Variants in RBFOX3 observed in about 807,000 individuals in gnomAD.
The protein encoded by RBFOX3 is RNA binding protein fox-1 homolog 3.
RBFOX3 carries 17 observed loss-of-function variants against 48.7 expected under a neutral mutation model. The observed-to-expected ratio is 0.35, with a 90% CI of 0.24 to 0.52. RBFOX3 has a LOEUF of 0.52. RBFOX3 is among the 20% of genes least tolerant of loss of function. RBFOX3 has a pLI of 0.94. For missense variants in RBFOX3, 382 were observed against 497.5 expected, an observed-to-expected ratio of 0.77 and a Z score of 2.21; for synonymous variants, 212 against 209.5, an observed-to-expected ratio of 1.01 and a Z score of -0.10.
In RBFOX3 at chr17:79,356,367, T is replaced by TGTTTTGTTTTTG. The variant is rs2085061815; in HGVS notation, c.-174-48544_-174-48543insCAAAAACAAAAC. On this transcript the variant is annotated intron_variant, in intron 2 of 14. Coordinates refer to ENST00000693108, the MANE Select transcript of RBFOX3 (RefSeq NM_001350451.2). ...AGGGAAGTTTTTTTTTTTTTTTTTT[T>TGTTTTGTTTTTG]TTTTTTTTTTTTTTTTTTTGAGGAG... Among the ~76,000 whole-genome samples, 24 of 77,052 alleles carry TGTTTTGTTTTTG rather than the reference T, an allele frequency of 3.1e-4. 1 individual carries two copies. The highest frequency in any genetic ancestry group is 1.1e-3 in the African/African-American group (23 of 21,228). The allele number at this position is 77,052 out of a possible 152,430, so 50.5% of individuals were successfully genotyped here.
At chr17:79,168,353 AGTATGG>A (rs1308201383) in intron 4 of RBFOX3, among the ~76,000 whole-genome samples, 1 of 152,262 alleles carries the variant, frequency 6.6e-6, no homozygotes, top group Admixed American at 6.5e-5. Flanking sequence ...CACCTGCCTG[AGTATGG>A]GTTTAAATTG....
chr17:79,625,750 C>G, the RBFOX3 span, among the ~76,000 whole-genome samples: 1 of 152,222 alleles, frequency 6.6e-6, no homozygotes. Context: ...CGAAATCGAG[C>G]CATTGCACTC....
intron 4 of RBFOX3, among the ~76,000 whole-genome samples, chr17:79,144,569 G>T (rs758085969): frequency 6.6e-6 from 1 of 152,196 alleles, no homozygotes; most frequent in Non-Finnish European, 1.5e-5. Flanking sequence ...GGGTGGAGGG[G>T]GCAGGGCTCA....
At chr17:79,292,995 C>G (rs559375642) in intron 3 of RBFOX3, among the ~76,000 whole-genome samples, 57 of 152,162 alleles carry the variant, frequency 3.7e-4, no homozygotes, top group African/African-American at 1.3e-3. Flanking sequence ...GAAAAGAGGC[C>G]CCTGAAGAGT....
intron 1 of RBFOX3, among the ~76,000 whole-genome samples, chr17:79,483,250 G>C (rs910253337): frequency 6.6e-6 from 1 of 151,852 alleles, no homozygotes; most frequent in African/African-American, 2.4e-5. Flanking sequence ...CAGCTTCACG[G>C]TCAACCCCCT....
chr17:79,180,485 C>A (rs776346273), intron 4 of RBFOX3, among the ~76,000 whole-genome samples: 1 of 152,210 alleles, frequency 6.6e-6, no homozygotes, highest in Non-Finnish European at 1.5e-5. Context: ...CCAACACTCA[C>A]GCAGAGGACC....
intron 2 of RBFOX3, among the ~76,000 whole-genome samples, chr17:79,385,768 C>T (rs1430284036): frequency 6.6e-6 from 1 of 152,034 alleles, no homozygotes; most frequent in African/African-American, 2.4e-5. Context: ...CATCACTCTC[C>T]ATTACAGAAG....
chr17:79,244,396 C>T (rs2062828690), intron 3 of RBFOX3, among the ~76,000 whole-genome samples: 1 of 152,194 alleles, frequency 6.6e-6, no homozygotes, highest in African/African-American at 2.4e-5. Flanking sequence ...GGCTCCATCT[C>T]CAGAGCAGTA....
chr17:79,288,850 G>A (rs371407408), intron 3 of RBFOX3, among the ~76,000 whole-genome samples: 2 of 151,882 alleles, frequency 1.3e-5, no homozygotes, highest in African/African-American at 4.8e-5. Flanking sequence ...AGGTAATAGG[G>A]AGAAGTAGAG....
intron 4 of RBFOX3, among the ~76,000 whole-genome samples, chr17:79,181,177 T>A (rs2146089452): frequency 6.6e-6 from 1 of 152,114 alleles, no homozygotes; most frequent in East Asian, 1.9e-4. Flanking sequence ...AGGTTCAGAG[T>A]GGTGATAACT....
At chr17:79,625,868 C>T in the RBFOX3 span, among the ~76,000 whole-genome samples, 20 of 152,290 alleles carry the variant, frequency 1.3e-4, no homozygotes, top group South Asian at 3.3e-3. Context: ...CGTGCGCAGA[C>T]GGGGGTGGCT....
intron 2 of RBFOX3, among the ~76,000 whole-genome samples, chr17:79,368,695 G>A (rs1167966667): frequency 3.3e-5 from 5 of 152,146 alleles, no homozygotes; most frequent in Admixed American, 6.5e-5. Context: ...ACACCAGCCC[G>A]ATGCTGGTCC....
chr17:79,098,076 A>C, intron 9 of RBFOX3: 1 of 326,370 alleles, frequency 3.1e-6, no homozygotes, highest in Non-Finnish European at 5.8e-6. Flanking sequence ...CTGGAGAGGG[A>C]AAGTGGAACT....
At chr17:79,142,179 G>A (rs992423843) in intron 4 of RBFOX3, among the ~76,000 whole-genome samples, 4 of 152,270 alleles carry the variant, frequency 2.6e-5, no homozygotes, top group Middle Eastern at 3.4e-3. Context: ...ATTTACCACC[G>A]TGACACTTTC....
intron 8 of RBFOX3, among the ~76,000 whole-genome samples, chr17:79,102,912 G>A (rs1422524471): frequency 6.6e-6 from 1 of 152,204 alleles, no homozygotes; most frequent in African/African-American, 2.4e-5. Flanking sequence ...TGGGGACAGC[G>A]CCTCTCCTAG....
chr17:79,522,693 G>A (rs2086273024), intron 1 of RBFOX3, among the ~76,000 whole-genome samples: 1 of 152,040 alleles, frequency 6.6e-6, no homozygotes, highest in African/African-American at 2.4e-5. Flanking sequence ...ACTTTGGGAT[G>A]CCAAAGCAGG....
At chr17:79,369,850 C>T (rs76149033) in intron 2 of RBFOX3, among the ~76,000 whole-genome samples, 1,991 of 152,292 alleles carry the variant, frequency 0.013, 43 homozygotes, top group African/African-American at 0.046. Flanking sequence ...CTGGCCTTGT[C>T]CCTCCTGTCC....
At chr17:79,157,194 C>T (rs557464552) in intron 4 of RBFOX3, among the ~76,000 whole-genome samples, 2 of 152,312 alleles carry the variant, frequency 1.3e-5, no homozygotes, top group East Asian at 3.9e-4. Flanking sequence ...CTCTTACTCC[C>T]CGTCTCCCAC....
chr17:79,352,474 C>T (rs1480815771), intron 2 of RBFOX3, among the ~76,000 whole-genome samples: 2 of 152,194 alleles, frequency 1.3e-5, no homozygotes, highest in Admixed American at 6.5e-5. Flanking sequence ...TACTCAGCCT[C>T]GGTTCTTTAT....
Sources: allele counts gnomAD v4.1 joint callset (sites outside exome capture counted in the v4.1 genomes callset), GRCh38; gene constraint gnomAD v4.1.1; transcripts MANE v1.5; gene names NCBI Gene and HGNC (gene_info 2026-07-23, HGNC 2026-07-21).